The following SLFN14 variants were observed in gnomAD, a reference collection of about 807,000 sequenced individuals.
The protein encoded by SLFN14 is schlafen family member 14, also known as protein SLFN14.
Under a neutral mutation model 58.6 loss-of-function variants are expected in SLFN14, and 47 were observed. The ratio of observed to expected loss-of-function variants is 0.80; its 90% confidence interval spans 0.64 to 1.02. The LOEUF (loss-of-function observed/expected upper bound fraction) is 1.02. Ranked by LOEUF, SLFN14 falls within the 50% of genes least tolerant of loss-of-function variation. SLFN14 has a pLI of 0.00. For missense variants in SLFN14, 967 were observed against 1,078.4 expected (o/e 0.90, Z 1.45); for synonymous variants, 390 against 387.3 (o/e 1.01, Z -0.08).
At position 35,557,925 on chromosome 17, in the gene SLFN14, G is replaced by A; in HGVS notation, c.138C>T (p.Ile46=). ...AATTTAACAGTGCACATATAGCCCG[G>A]ATAATTCTAGAATTCTCAGATCTTT... is the stretch of plus-strand genomic sequence containing the variant. ...CLKRSENSRI[I]RAICALLNSG... is the part of the protein sequence containing the mutation. Residue 46 remains isoleucine, a synonymous_variant, in exon 3 of 6, where the codon ATC becomes ATT. Coordinates refer to ENST00000674182, the MANE Select transcript of SLFN14 (RefSeq NM_001129820.2). The A allele has an allele frequency of 6.4e-7, 1 of 1,551,632 alleles. No individual in the cohort carries two copies. The highest frequency in any genetic ancestry group is 2.0e-5 in the Admixed American group (1 of 51,000).
At chr17:35,551,791 G>A (rs899328643) in intron 5 of SLFN14, among the ~76,000 whole-genome samples, 2 of 62,408 alleles carry the variant, frequency 3.2e-5, no homozygotes, top group East Asian at 7.4e-4. Context: ...ATCCGGAATC[G>A]TCACCAAAAA....
In SLFN14 at chr17:35,547,111, T is replaced by C. The variant is rs1393371896; in HGVS notation, c.*1128A>G. 6.6e-6 allele frequency among the ~76,000 whole-genome samples: 1 copy of C among 152,096 alleles called. No homozygotes were observed. Among genetic ancestry groups the C allele is most frequent in the East Asian group, 1.9e-4 (1 of 5,192 alleles). ...TAAATGTAGGCAAAATTTGTATATG[T>C]TGGGGGCAGTAAGGAGAGGGTTGGT... On this transcript the variant is annotated 3_prime_UTR_variant, in exon 6 of 6. Transcript: ENST00000674182.
chr17:35,554,645 G>C lies in SLFN14; in HGVS notation c.1120C>G (p.Arg374Gly). 5 of 1,517,256 alleles carry C rather than the reference G, an allele frequency of 3.3e-6. No homozygotes were observed. The highest frequency in any genetic ancestry group is 3.5e-6 in the Non-Finnish European group (4 of 1,128,560). 94.0% of individuals were successfully genotyped at this position (1,517,256 alleles called of 1,614,324 possible). ...TTTATGGGATATCCGGGACTTTTTCGTGCAGATGAAGCTGATGAAATCAGG... is the reference window on the plus strand; with the variant it reads ...TTTATGGGATATCCGGGACTTTTTCCTGCAGATGAAGCTGATGAAATCAGG... The part of the protein sequence containing the change: ...SCLISSASSA[R>G]KSPGYPIKVH... The change falls in exon 4 of 6, where the codon CGA becomes GGA. Residue 374 changes from arginine to glycine, a missense_variant. Arg to Gly is a moderately radical substitution (Grantham distance 125). Transcript: ENST00000674182.
Position 35,557,544 on chromosome 17 carries a change from G to A in SLFN14, c.519C>T (p.Leu173=), listed in dbSNP as rs1455582517. The A allele has an allele frequency of 6.4e-7, 1 of 1,551,610 alleles. No homozygotes were observed. The highest frequency in any genetic ancestry group is 2.0e-5 in the Admixed American group (1 of 51,002). ...CTTCCTCTTCCTGAATGCATCTATT[G>A]AGAACCTGCTGAGGATGCAACTTCT... ...RVKKLHPQQV[L]NRCIQEEEDM... is the part of the protein sequence containing the mutation. The change falls in exon 3 of 6, where the codon CTC becomes CTT. Residue 173 remains leucine, a synonymous_variant. Transcript: ENST00000674182.
At position 35,548,130 on chromosome 17, in the gene SLFN14, C is replaced by T; in HGVS notation, c.*109G>A. 1 of 1,080,824 alleles carries T rather than the reference C, an allele frequency of 9.3e-7. No homozygotes were observed. The highest frequency in any genetic ancestry group is 1.6e-5 in the South Asian group (1 of 61,094). 67.0% of individuals were successfully genotyped at this position (1,080,824 alleles called of 1,614,324 possible). A position where few individuals can be genotyped will look rare whatever the true frequency, so the allele number is the denominator to read the frequency against. ...GACATTTCTGTGGCTCCAGGCCATA[C>T]TGATGTGCCTTGATTTCCTCACTTG... On this transcript the variant is annotated 3_prime_UTR_variant, in exon 6 of 6. Transcript: ENST00000674182.
In SLFN14 at chr17:35,553,229, G is replaced by T; in HGVS notation, c.1405C>A (p.Leu469Ile). ...LLIAVNSPVV[L>I]YTILIDPNWP... ...TTGGGGTCTATTAAGATTGTATAGA[G>T]TACCACGGGGCTGTTAACTGCTATC... The change falls in exon 5 of 6, where the codon CTC (leucine) becomes ATC (isoleucine). Residue 469 changes from leucine to isoleucine, a missense_variant. Physicochemically the swap from Leu to Ile is conservative, Grantham distance 5. Transcript: ENST00000674182. 6.4e-7 allele frequency: 1 copy of T among 1,551,700 alleles called. No individual in the cohort carries two copies. Among genetic ancestry groups the T allele is most frequent in the Non-Finnish European group, 8.7e-7 (1 of 1,146,990 alleles).
At position 35,545,856 on chromosome 17, in the gene SLFN14, G is replaced by A. The variant is rs2072530518; in HGVS notation, c.*2383C>T. ...CCGAGCCTGTGTTCAGACACACTGA[G>A]GTTAATTAGTCTGGTGTCTGGCCTG... On this transcript the variant is annotated 3_prime_UTR_variant, in exon 6 of 6. Coordinates refer to ENST00000674182, the MANE Select transcript of SLFN14 (RefSeq NM_001129820.2). Among the ~76,000 whole-genome samples, 1 of 152,048 alleles carries A rather than the reference G, an allele frequency of 6.6e-6. No homozygotes were observed. The highest frequency in any genetic ancestry group is 1.9e-4 in the East Asian group (1 of 5,196).
At chr17:35,555,086 G>A (rs1213411871) in intron 3 of SLFN14, among the ~76,000 whole-genome samples, 1 of 152,034 alleles carries the variant, frequency 6.6e-6, no homozygotes, top group African/African-American at 2.4e-5. Flanking sequence ...TTTAAAAATG[G>A]TGTTGGCCAG....
chr17:35,557,268 G>T lies in SLFN14; in HGVS notation c.795C>A (p.Asp265Glu). The T allele has an allele frequency of 2.6e-6, 4 of 1,551,686 alleles. No individual in the cohort carries two copies. Among genetic ancestry groups the T allele is most frequent in the Non-Finnish European group, 3.5e-6 (4 of 1,146,990 alleles). ...AGTTTTCGATTTCTTTTTTTAGTAA[G>T]TCAGGATTCACTTTTTCCCACTTAC... ...VGCKWEKVNP[D>E]LLKKEIENCI... Residue 265 changes from aspartate (D) to glutamate (E), a missense_variant, in exon 3 of 6, where the codon GAC (aspartate) becomes GAA (glutamate). Transcript: ENST00000674182.
chr17:35,554,460 T>C, intron 4 of SLFN14, 116 bp downstream of exon 4: 2 of 589,584 alleles, frequency 3.4e-6, no homozygotes, highest in Non-Finnish European at 4.8e-6. Flanking sequence ...ATTATGTCGC[T>C]AAGTCCTTCA....
chr17:35,548,758 C>G lies in SLFN14; in HGVS notation c.2220G>C (p.Lys740Asn), dbSNP rs1421067812. Residue 740 changes from lysine (K) to asparagine (N), a missense_variant, in exon 6 of 6, where the codon AAG becomes AAC. Coordinates refer to ENST00000674182, the MANE Select transcript of SLFN14 (RefSeq NM_001129820.2). ...SGIHCALEIA[K>N]VMKEEMKRIK... ...TCCTCTTCATTTCTTCTTTCATAAC[C>G]TTCGCTATTTCCAGAGCACAGTGGA... The G allele has an allele frequency of 1.3e-6, 2 of 1,551,558 alleles. No homozygotes were observed. The highest frequency in any genetic ancestry group is 3.9e-5 in the Admixed American group (2 of 50,986).
intron 3 of SLFN14, among the ~76,000 whole-genome samples, chr17:35,556,214 T>C (rs2072651478): frequency 6.6e-6 from 1 of 151,824 alleles, no homozygotes; most frequent in African/African-American, 2.4e-5. Context: ...ATTTTTATAT[T>C]TGGGGGAGAG....
At chr17:35,549,189 T>A (rs2072562198) in intron 5 of SLFN14, 116 bp from the exon 6 acceptor site, 8 of 810,168 alleles carry the variant, frequency 9.9e-6, no homozygotes, top group Non-Finnish European at 1.3e-5. Flanking sequence ...AGTCATTGAT[T>A]CAGTAGTGTG....
chr17:35,555,308 C>A (rs142400491), intron 3 of SLFN14, among the ~76,000 whole-genome samples: 1 of 150,842 alleles, frequency 6.6e-6, no homozygotes, highest in Non-Finnish European at 1.5e-5. Flanking sequence ...GGAGACGGAG[C>A]TTGCAGTGAG....
chr17:35,548,700 C>T lies in SLFN14; in HGVS notation c.2278G>A (p.Asp760Asn). ...KENPPSNMSP[D>N]TLALFSETAY... ...GTCTCGCTGAACAATGCTAATGTGT[C>T]TGGAGACATGTTGGAGGGAGGATTT... Residue 760 changes from aspartate (D) to asparagine (N), a missense_variant, in exon 6 of 6, where the codon GAC becomes AAC. Transcript: ENST00000674182. The T allele has an allele frequency of 6.4e-7, 1 of 1,551,734 alleles. No individual in the cohort carries two copies. Among genetic ancestry groups the T allele is most frequent in the Non-Finnish European group, 8.7e-7 (1 of 1,147,008 alleles).
In SLFN14 at chr17:35,548,848, G is replaced by T; in HGVS notation, c.2130C>A (p.His710Gln). The T allele has an allele frequency of 6.4e-7, 1 of 1,551,696 alleles. No individual in the cohort carries two copies. The highest frequency in any genetic ancestry group is 8.7e-7 in the Non-Finnish European group (1 of 1,146,988). ...WLFLDPFQIH[H>Q]ADVNGLPPPS... Reference sequence around the variant, plus strand: ...GAGGGGGAAGGCCATTGACATCTGCGTGATGGATTTGAAAAGGGTCAAGAA... The same window carrying T: ...GAGGGGGAAGGCCATTGACATCTGCTTGATGGATTTGAAAAGGGTCAAGAA... Residue 710 changes from histidine to glutamine, a missense_variant, in exon 6 of 6, where the codon CAC becomes CAA. By Grantham distance (24) the His-to-Gln change is conservative (BLOSUM62 0). Coordinates refer to ENST00000674182, the MANE Select transcript of SLFN14 (RefSeq NM_001129820.2).
chr17:35,554,418 T>G (rs779827979), intron 4 of SLFN14, among the ~76,000 whole-genome samples, 158 bp downstream of exon 4: 42 of 147,178 alleles, frequency 2.9e-4, no homozygotes, highest in South Asian at 8.4e-4. Context: ...ATATATTATA[T>G]ATATAATATA....
chr17:35,554,151 G>C (rs916278553), intron 4 of SLFN14, among the ~76,000 whole-genome samples: 1 of 151,644 alleles, frequency 6.6e-6, no homozygotes, highest in Non-Finnish European at 1.5e-5. Context: ...GGAAAGCTAG[G>C]GGCAGTTTTT....
chr17:35,559,440 G>T (rs1228241719), intron 2 of SLFN14, among the ~76,000 whole-genome samples: 1 of 151,938 alleles, frequency 6.6e-6, no homozygotes, highest in Non-Finnish European at 1.5e-5. Context: ...TAATAGTTCT[G>T]CCCTGTGCTG....
Sources: gnomAD v4.1 joint callset for allele counts (sites outside exome capture counted in the v4.1 genomes callset) on GRCh38, gnomAD v4.1.1 for gene constraint, MANE v1.5 for transcripts, NCBI Gene and HGNC (gene_info 2026-07-23, HGNC 2026-07-21) for gene names.